GTF2A1L: variants seen among roughly 807,000 people sequenced by gnomAD.
GTF2A1L encodes general transcription factor IIA subunit 1 like, also known as TFIIA-alpha and beta-like factor.
Under a neutral mutation model 49.7 loss-of-function variants are expected in GTF2A1L, and 48 were observed. That is an observed-to-expected ratio of 0.97 (90% CI 0.77 to 1.23). The LOEUF is 1.23. GTF2A1L is among the 50% of genes most tolerant of loss of function. The pLI, the probability that GTF2A1L is intolerant of heterozygous loss-of-function variation, is 0.00. For synonymous variants in GTF2A1L, 246 were observed against 193.5 expected, an observed-to-expected ratio of 1.27 and a Z score of -2.25; for missense variants, 736 against 564.8, an observed-to-expected ratio of 1.30 and a Z score of -3.07.
intron 6 of GTF2A1L, among the ~76,000 whole-genome samples, chr2:48,662,831 T>C (rs1479048253): frequency 6.6e-6 from 1 of 152,108 alleles, no homozygotes; most frequent in Non-Finnish European, 1.5e-5. Context: ...AACTACCACA[T>C]GTTCTCACTT....
In GTF2A1L at chr2:48,678,266, G is replaced by T. The variant is rs75214461; in HGVS notation, c.1330-1069G>T. Among the ~76,000 whole-genome samples, 1,177 of 151,986 alleles carry T rather than the reference G, an allele frequency of 7.7e-3. 27 individuals carry two copies. The highest frequency in any genetic ancestry group is 0.026 in the African/African-American group (1,073 of 41,490). ...TAATGCTGCTTATATTTTATTACCT[G>T]TGCTGAGTTTGGGATGTTTGTTGTC... On this transcript the variant is annotated intron_variant, in intron 8 of 8. Coordinates refer to ENST00000403751, the MANE Select transcript of GTF2A1L (RefSeq NM_006872.5).
At chr2:48,618,789 A>G (rs1675809335) in intron 1 of GTF2A1L, among the ~76,000 whole-genome samples, 1 of 152,230 alleles carries the variant, frequency 6.6e-6, no homozygotes, top group African/African-American at 2.4e-5. Flanking sequence ...AGAGGAGTTA[A>G]GATGGACTAG....
chr2:48,674,867 A>G (rs928957975), intron 8 of GTF2A1L, among the ~76,000 whole-genome samples: 3 of 152,186 alleles, frequency 2.0e-5, no homozygotes, highest in East Asian at 1.9e-4. Context: ...CAAATCTAGT[A>G]TCTGAGAACC....
At position 48,628,913 on chromosome 2, in the gene GTF2A1L, A is replaced by G. The variant is rs534377310; in HGVS notation, c.247+7623A>G. On this transcript the variant is annotated intron_variant, in intron 3 of 8. Transcript: ENST00000403751. The stretch of plus-strand genomic sequence containing the variant: ...GCAAGTTCAGTCACTCACTGCTTGC[A>G]GAGTCCAGTTAACAAGAGGGAGGTG... Among the ~76,000 whole-genome samples the G allele has an allele frequency of 1.5e-4, 22 of 144,034 alleles. 5 individuals are homozygous for G. In the South Asian group the frequency reaches 5.2e-3, roughly 34 times the overall value. The allele number at this position is 144,034 out of a possible 152,430, so 94.5% of individuals were successfully genotyped here.
intron 3 of GTF2A1L, among the ~76,000 whole-genome samples, chr2:48,637,495 A>C (rs1036690814): frequency 2.6e-5 from 4 of 152,226 alleles, no homozygotes; most frequent in African/African-American, 9.6e-5. Flanking sequence ...GGAAATTCAT[A>C]GCACTAAATG....
Position 48,628,061 on chromosome 2 carries a change from G to T in GTF2A1L, c.247+6771G>T, listed in dbSNP as rs147676524. 7.6e-4 allele frequency among the ~76,000 whole-genome samples: 110 copies of T among 144,142 alleles called. 12 individuals carry two copies. The East Asian group carries it at 0.019, about 25-fold the overall frequency. The allele number at this position is 144,142 out of a possible 152,430, so 94.6% of individuals were successfully genotyped here. A position where few individuals can be genotyped will look rare whatever the true frequency, so the allele number is the denominator to read the frequency against. ...TTGCTGCAAAGGACATGATTTCTTT[G>T]TTTTTTATGAGTGCATAGTGTTCCA... On this transcript the variant is annotated intron_variant, in intron 3 of 8. Coordinates refer to ENST00000403751, the MANE Select transcript of GTF2A1L (RefSeq NM_006872.5).
At chr2:48,651,723 T>C (rs1677858446) in intron 6 of GTF2A1L, among the ~76,000 whole-genome samples, 2 of 152,196 alleles carry the variant, frequency 1.3e-5, no homozygotes, top group South Asian at 4.1e-4. Context: ...TATCAAAAAA[T>C]GTAGGCAGAA....
intron 3 of GTF2A1L, among the ~76,000 whole-genome samples, chr2:48,630,533 T>C (rs951438529): frequency 6.9e-6 from 1 of 144,256 alleles, no homozygotes; most frequent in African/African-American, 2.5e-5. Flanking sequence ...TCCTTAGGAT[T>C]TTCTAGGTAT....
At chr2:48,619,585 G>C (rs2104046078) in intron 1 of GTF2A1L, among the ~76,000 whole-genome samples, 1 of 152,152 alleles carries the variant, frequency 6.6e-6, no homozygotes, top group Non-Finnish European at 1.5e-5. Flanking sequence ...AGGGTAGGAT[G>C]AAAAGGCAAT....
At chr2:48,660,675 G>A (rs571807745) in intron 6 of GTF2A1L, among the ~76,000 whole-genome samples, 19 of 152,016 alleles carry the variant, frequency 1.2e-4, no homozygotes, top group African/African-American at 4.3e-4. Context: ...CAGAGTCTCT[G>A]TCGCCCAGGC....
chr2:48,621,329 C>A (rs377562020), intron 3 of GTF2A1L, 39 bp downstream of exon 3: 1 of 1,612,620 alleles, frequency 6.2e-7, no homozygotes, highest in Non-Finnish European at 8.5e-7. Context: ...TTAGTATCTT[C>A]AGAACAAATT....
At chr2:48,654,469 G>A (rs1678055946) in intron 6 of GTF2A1L, among the ~76,000 whole-genome samples, 1 of 152,036 alleles carries the variant, frequency 6.6e-6, no homozygotes, top group African/African-American at 2.4e-5. Flanking sequence ...TATGATCTCA[G>A]CTCACTGGGT....
intron 3 of GTF2A1L, among the ~76,000 whole-genome samples, chr2:48,622,081 G>T (rs536161688): frequency 9.6e-4 from 146 of 152,272 alleles, no homozygotes; most frequent in Middle Eastern, 3.4e-3. Context: ...GGTAGATTTT[G>T]GATTGGATTA....
intron 5 of GTF2A1L, 65 bp from the exon 6 acceptor site, chr2:48,646,388 T>G: frequency 7.5e-7 from 1 of 1,335,944 alleles, no homozygotes; most frequent in Non-Finnish European, 9.8e-7. Flanking sequence ...TTTTTTTTTT[T>G]GTGGTGGTTG....
intron 8 of GTF2A1L, among the ~76,000 whole-genome samples, chr2:48,676,521 CTGTT>C (rs1679476817): frequency 6.6e-6 from 1 of 151,662 alleles, no homozygotes; most frequent in African/African-American, 2.4e-5. Flanking sequence ...ATTTTGTGAA[CTGTT>C]TGTTCATAAT....
At chr2:48,617,943 G>C (rs765335735) in intron 1 of GTF2A1L, 48 bp downstream of exon 1, 1 of 1,540,192 alleles carries the variant, frequency 6.5e-7, no homozygotes, top group East Asian at 2.4e-5. Context: ...CTGGGACTCC[G>C]GGTTCACGGC....
chr2:48,656,327 C>T (rs1226208872), intron 6 of GTF2A1L, among the ~76,000 whole-genome samples: 4 of 148,996 alleles, frequency 2.7e-5, no homozygotes, highest in Non-Finnish European at 5.9e-5. Flanking sequence ...TTCTCCATAT[C>T]CCCACCAACG....
chr2:48,677,843 G>C (rs551535974), intron 8 of GTF2A1L, among the ~76,000 whole-genome samples: 8 of 152,106 alleles, frequency 5.3e-5, no homozygotes, highest in Admixed American at 2.6e-4. Flanking sequence ...GATGTAAGTA[G>C]CAAGCATAAA....
chr2:48,678,071 TTAAA>T (rs1342518226), intron 8 of GTF2A1L, among the ~76,000 whole-genome samples: 1 of 151,850 alleles, frequency 6.6e-6, no homozygotes, highest in Non-Finnish European at 1.5e-5. Flanking sequence ...AATAGTTTTA[TTAAA>T]TACTTTTTCA....
Sources: gnomAD v4.1 joint callset for allele counts (sites outside exome capture counted in the v4.1 genomes callset) on GRCh38, gnomAD v4.1.1 for gene constraint, MANE v1.5 for transcripts, NCBI Gene and HGNC (gene_info 2026-07-23, HGNC 2026-07-21) for gene names.